TAX1BP1: variants seen among roughly 807,000 people sequenced by gnomAD.
TAX1BP1 encodes the protein Tax1 binding protein 1.
TAX1BP1 carries 62 observed loss-of-function variants against 97.7 expected under a neutral mutation model. The observed-to-expected ratio is 0.63, with a 90% CI of 0.52 to 0.78. TAX1BP1 has a LOEUF of 0.78. Among genes scored for constraint, TAX1BP1 ranks in the 30% least tolerant of loss-of-function variants. TAX1BP1 has a pLI of 0.00. For synonymous variants in TAX1BP1, 340 were observed against 304.2 expected, an observed-to-expected ratio of 1.12 and a Z score of -1.23; for missense variants, 867 against 916.1, an observed-to-expected ratio of 0.95 and a Z score of 0.69.
chr7:27,775,677 G>A (rs1389839868), intron 5 of TAX1BP1, among the ~76,000 whole-genome samples: 3 of 152,270 alleles, frequency 2.0e-5, no homozygotes, highest in Admixed American at 6.5e-5. Flanking sequence ...GTATGAGGTA[G>A]TAGTAGCCAG....
At chr7:27,811,799 C>G (rs987207499) in intron 13 of TAX1BP1, among the ~76,000 whole-genome samples, 1 of 152,184 alleles carries the variant, frequency 6.6e-6, no homozygotes, top group African/African-American at 2.4e-5. Context: ...AACCTCTGGT[C>G]TGCTTTCTGT....
At chr7:27,740,977 C>T (rs2128305018) in intron 1 of TAX1BP1, among the ~76,000 whole-genome samples, 1 of 152,296 alleles carries the variant, frequency 6.6e-6, no homozygotes, top group South Asian at 2.1e-4. Flanking sequence ...CGTGCGCGCG[C>T]GCGCGTACAC....
At chr7:27,793,890 T>C (rs1789812707) in intron 10 of TAX1BP1, among the ~76,000 whole-genome samples, 1 of 152,212 alleles carries the variant, frequency 6.6e-6, no homozygotes. Context: ...GTGATGCATA[T>C]GATACTTTCC....
intron 13 of TAX1BP1, among the ~76,000 whole-genome samples, chr7:27,804,910 A>T (rs1277675853): frequency 6.6e-6 from 1 of 152,222 alleles, no homozygotes; most frequent in Non-Finnish European, 1.5e-5. Context: ...ACCATAATTT[A>T]TTCAACCAAC....
At position 27,792,135 on chromosome 7, in the gene TAX1BP1, G is replaced by A. The variant is rs755887745; in HGVS notation, c.1168G>A (p.Asp390Asn). Reference protein sequence around the residue: ...AVNVRDRTMADLHTARLENEK... With the variant: ...AVNVRDRTMANLHTARLENEK... ...CAACGTACGAGACAGAACGATGGCA[G>A]ACCTGCATACTGCACGCTTGGAAAA... is the stretch of plus-strand genomic sequence containing the variant. The change falls in exon 9 of 17, where the codon GAC becomes AAC. Residue 390 changes from aspartate to asparagine, a missense_variant. Asp to Asn is a conservative substitution (Grantham distance 23). Coordinates refer to ENST00000396319, the MANE Select transcript of TAX1BP1 (RefSeq NM_006024.7). The A allele has an allele frequency of 1.2e-6, 2 of 1,614,056 alleles. No individual in the cohort carries two copies. Among genetic ancestry groups the A allele is most frequent in the East Asian group, 2.2e-5 (1 of 44,880 alleles).
chr7:27,787,582 C>G lies in TAX1BP1; in HGVS notation c.1017C>G (p.Phe339Leu). ...AAAAGGAAAATCTGCAAAGAACTTT[C>G]CTGCTTACAACCTCAAGTAAAGTAA... ...LAEKENLQRTFLLTTSSKEDT... is the reference protein window; with the variant it reads ...LAEKENLQRTLLLTTSSKEDT... The change falls in exon 8 of 17, where the codon TTC becomes TTG. Residue 339 changes from phenylalanine (F) to leucine (L), a missense_variant. By Grantham distance (22) the Phe-to-Leu change is conservative. Around this residue, in one of 3 missense-constraint regions of TAX1BP1, gnomAD observed 822 missense variants for 851.4 expected, o/e 0.97. Coordinates refer to ENST00000396319, the MANE Select transcript of TAX1BP1 (RefSeq NM_006024.7). 1.2e-6 allele frequency: 2 copies of G among 1,610,446 alleles called. No homozygotes were observed. The highest frequency in any genetic ancestry group is 1.7e-6 in the Non-Finnish European group (2 of 1,178,506).
chr7:27,810,424 GGT>G (rs1298347479), intron 13 of TAX1BP1, among the ~76,000 whole-genome samples: 2 of 151,984 alleles, frequency 1.3e-5, no homozygotes, highest in Non-Finnish European at 2.9e-5. Flanking sequence ...AATTCTTTAG[GGT>G]TATTAGTGCT....
At chr7:27,775,199 A>G (rs564753071) in intron 5 of TAX1BP1, among the ~76,000 whole-genome samples, 1 of 152,298 alleles carries the variant, frequency 6.6e-6, no homozygotes, top group South Asian at 2.1e-4. Context: ...GTTGATTGTA[A>G]GATGCATCTC....
intron 1 of TAX1BP1, among the ~76,000 whole-genome samples, chr7:27,745,215 G>A (rs573074531): frequency 2.6e-5 from 4 of 152,066 alleles, no homozygotes; most frequent in Admixed American, 1.3e-4. Flanking sequence ...ACTGAGAGGA[G>A]GTTTGTACTT....
At chr7:27,813,678 C>G (rs540646565) in intron 13 of TAX1BP1, among the ~76,000 whole-genome samples, 94 of 152,062 alleles carry the variant, frequency 6.2e-4, no homozygotes, top group African/African-American at 2.1e-3. Context: ...CTATGTTGTC[C>G]AGGCTTGTCT....
intron 14 of TAX1BP1, 93 bp downstream of exon 14, chr7:27,816,613 A>C: frequency 8.9e-7 from 1 of 1,121,340 alleles, no homozygotes; most frequent in Non-Finnish European, 1.3e-6. Context: ...TGGTATAATC[A>C]ACCCTAATAC....
chr7:27,792,584 T>C (rs1341649215), intron 9 of TAX1BP1, among the ~76,000 whole-genome samples: 1 of 152,200 alleles, frequency 6.6e-6, no homozygotes, highest in Non-Finnish European at 1.5e-5. Flanking sequence ...TATTTTTCTC[T>C]AGTTTTTTAA....
chr7:27,773,085 G>A (rs1454691035), intron 5 of TAX1BP1, among the ~76,000 whole-genome samples: 3 of 152,012 alleles, frequency 2.0e-5, no homozygotes, highest in Admixed American at 2.0e-4. Context: ...ACATATGTTA[G>A]CTAACTTCGT....
chr7:27,808,892 G>C (rs2128322778), intron 13 of TAX1BP1, among the ~76,000 whole-genome samples: 1 of 152,296 alleles, frequency 6.6e-6, no homozygotes, highest in South Asian at 2.1e-4. Flanking sequence ...CCATGCCTTT[G>C]TAAGTAGGAG....
intron 13 of TAX1BP1, among the ~76,000 whole-genome samples, chr7:27,802,182 A>T (rs1790163161): frequency 6.6e-6 from 1 of 152,212 alleles, no homozygotes; most frequent in Admixed American, 6.5e-5. Context: ...CTAAAATGGA[A>T]TTTCGGTGCT....
intron 3 of TAX1BP1, among the ~76,000 whole-genome samples, chr7:27,763,309 C>T (rs1468183349): frequency 1.3e-5 from 2 of 152,228 alleles, no homozygotes; most frequent in South Asian, 4.2e-4. Flanking sequence ...AAATTTGACT[C>T]GAAAATTTAG....
At chr7:27,761,371 G>A (rs566455286) in intron 3 of TAX1BP1, among the ~76,000 whole-genome samples, 1 of 152,192 alleles carries the variant, frequency 6.6e-6, no homozygotes, top group South Asian at 2.1e-4. Context: ...AGGGTTCACT[G>A]TGTGATGTAA....
intron 13 of TAX1BP1, among the ~76,000 whole-genome samples, chr7:27,802,707 A>C (rs1790186515): frequency 6.6e-6 from 1 of 152,206 alleles, no homozygotes; most frequent in Non-Finnish European, 1.5e-5. Flanking sequence ...GGGAAAGAGA[A>C]AGTGGTACAC....
chr7:27,791,098 C>A (rs1355326245), intron 8 of TAX1BP1, among the ~76,000 whole-genome samples: 13 of 151,720 alleles, frequency 8.6e-5, no homozygotes, highest in Admixed American at 7.9e-4. Flanking sequence ...AGTTCTTTTT[C>A]TTCTCCTTTG....
Sources: gnomAD v4.1 joint callset for allele counts (sites outside exome capture counted in the v4.1 genomes callset) on GRCh38, gnomAD v4.1.1 for gene constraint, gnomAD v4.1.1 regional missense constraint, MANE v1.5 for transcripts, NCBI Gene and HGNC (gene_info 2026-07-23, HGNC 2026-07-21) for gene names.